TUSC3: variants seen among roughly 807,000 people sequenced by gnomAD.
The protein encoded by TUSC3 is dolichyl-diphosphooligosaccharide--protein glycosyltransferase subunit TUSC3.
In TUSC3, 45 loss-of-function variants were observed where a neutral mutation model predicts 44.8. That is an observed-to-expected ratio of 1.00 (90% CI 0.79 to 1.29). TUSC3 has a LOEUF of 1.29. Ranked by LOEUF, TUSC3 falls within the 50% of genes most tolerant of loss-of-function variation. The pLI is 0.00. For synonymous variants in TUSC3, 212 were observed against 152.9 expected (o/e 1.39, Z -2.85); for missense variants, 519 against 437.9 (o/e 1.19, Z -1.65).
chr8:15,470,379 C>A (rs1464101757), intron 1 of TUSC3, among the ~76,000 whole-genome samples: 1 of 151,990 alleles, frequency 6.6e-6, no homozygotes, highest in Non-Finnish European at 1.5e-5. Context: ...GGATGCCTTC[C>A]TTATACATTG....
chr8:15,468,763 A>T (rs1800447108), intron 1 of TUSC3, among the ~76,000 whole-genome samples: 1 of 152,202 alleles, frequency 6.6e-6, no homozygotes, highest in Non-Finnish European at 1.5e-5. Context: ...ATTAGAAGTG[A>T]TGCTTTCAGG....
chr8:15,813,508 A>G, the TUSC3 span, among the ~76,000 whole-genome samples: 1 of 151,232 alleles, frequency 6.6e-6, no homozygotes, highest in Admixed American at 6.6e-5. Flanking sequence ...AGTACGAGGT[A>G]ATCATAACCA....
intron 2 of TUSC3, among the ~76,000 whole-genome samples, chr8:15,509,178 A>T (rs1801099355): frequency 6.6e-6 from 1 of 152,258 alleles, no homozygotes; most frequent in African/African-American, 2.4e-5. Context: ...ATTGTTTTCC[A>T]ACAACAGAGT....
intron 1 of TUSC3, among the ~76,000 whole-genome samples, chr8:15,437,865 C>A (rs533459669): frequency 7.2e-5 from 11 of 152,212 alleles, no homozygotes; most frequent in African/African-American, 2.6e-4. Flanking sequence ...CACCTCTGCT[C>A]GTGTATAAAA....
At chr8:15,659,457 TTAA>T (rs765142323) in intron 3 of TUSC3, 47 bp from the exon 4 acceptor site, 1 of 1,593,438 alleles carries the variant, frequency 6.3e-7, no homozygotes, top group East Asian at 2.2e-5. Context: ...AAATATTGGA[TTAA>T]TGATAAGATG....
downstream of TUSC3, among the ~76,000 whole-genome samples, chr8:15,768,316 G>A (rs1812383028): frequency 6.6e-6 from 1 of 152,120 alleles, no homozygotes; most frequent in African/African-American, 2.4e-5. Flanking sequence ...AACAAGCCGT[G>A]ATAACAAAAC....
At chr8:15,438,408 G>C (rs1177817424) in intron 1 of TUSC3, among the ~76,000 whole-genome samples, 1 of 152,120 alleles carries the variant, frequency 6.6e-6, no homozygotes, top group African/African-American at 2.4e-5. Flanking sequence ...GGGTTGTTGT[G>C]TTATAGGAGA....
At chr8:15,522,532 C>G (rs1801311988) in intron 2 of TUSC3, among the ~76,000 whole-genome samples, 1 of 151,238 alleles carries the variant, frequency 6.6e-6, no homozygotes. Flanking sequence ...CATGCCCAGC[C>G]TATTCAGCCT....
chr8:15,436,270 G>A (rs1253877496), intron 1 of TUSC3, among the ~76,000 whole-genome samples: 4 of 152,150 alleles, frequency 2.6e-5, no homozygotes, highest in African/African-American at 9.7e-5. Flanking sequence ...GGTTTTGACG[G>A]TTATCAAAAG....
At chr8:15,841,362 C>T in the TUSC3 span, among the ~76,000 whole-genome samples, 2 of 151,780 alleles carry the variant, frequency 1.3e-5, no homozygotes, top group South Asian at 4.2e-4. Flanking sequence ...TAGCTAAGGT[C>T]AAGTCCTCCT....
At chr8:15,792,478 A>C in the TUSC3 span, among the ~76,000 whole-genome samples, 1 of 152,202 alleles carries the variant, frequency 6.6e-6, no homozygotes, top group Non-Finnish European at 1.5e-5. Flanking sequence ...GCCTAGAGTA[A>C]AAACACACAG....
chr8:15,662,080 T>C (rs1203741969), intron 4 of TUSC3, 76 bp from the exon 5 acceptor site: 5 of 1,537,810 alleles, frequency 3.3e-6, no homozygotes, highest in African/African-American at 1.4e-5. Flanking sequence ...CGTTGAAAAT[T>C]ATGAGGACTA....
In TUSC3 at chr8:15,765,070, T is replaced by C. The variant is rs1812289984; in HGVS notation, c.*914T>C. The C allele has an allele frequency of 6.6e-6, 1 of 152,054 alleles. No homozygotes were observed. Among genetic ancestry groups the C allele is most frequent in the African/African-American group, 2.4e-5 (1 of 41,450 alleles). The allele number at this position is 152,054 out of a possible 1,614,324, so 9.4% of individuals were successfully genotyped here. On this transcript the variant is annotated 3_prime_UTR_variant, in exon 11 of 11. Transcript: ENST00000503731. Reference sequence around the variant, plus strand: ...TAGTGAATGATTCAATGAAGCTTTCTTGAAAACAAACATAGGAGTGTAATG... The same window carrying C: ...TAGTGAATGATTCAATGAAGCTTTCCTGAAAACAAACATAGGAGTGTAATG...
chr8:15,526,010 T>G (rs954537469), intron 2 of TUSC3, among the ~76,000 whole-genome samples: 1 of 151,890 alleles, frequency 6.6e-6, no homozygotes, highest in Non-Finnish European at 1.5e-5. Flanking sequence ...TAGGGTGATA[T>G]AAATGTAATT....
chr8:15,707,536 C>A (rs773674725), intron 6 of TUSC3, among the ~76,000 whole-genome samples: 1 of 151,874 alleles, frequency 6.6e-6, no homozygotes, highest in African/African-American at 2.4e-5. Context: ...TTTCCCAGGC[C>A]TGTAGGGGAA....
intron 2 of TUSC3, among the ~76,000 whole-genome samples, chr8:15,506,908 T>G (rs1356904139): frequency 6.6e-6 from 1 of 152,220 alleles, no homozygotes; most frequent in Non-Finnish European, 1.5e-5. Context: ...CAGGCCTTGC[T>G]GCATTTCCTG....
At chr8:15,757,964 G>C (rs948803280) in intron 10 of TUSC3, 109 bp downstream of exon 10, 110 of 1,506,188 alleles carry the variant, frequency 7.3e-5, no homozygotes, top group Non-Finnish European at 8.9e-5. Context: ...TTTTACAAAT[G>C]TAAGATAACT....
At chr8:15,533,055 T>G (rs911120244) in intron 2 of TUSC3, among the ~76,000 whole-genome samples, 2 of 152,136 alleles carry the variant, frequency 1.3e-5, no homozygotes, top group Non-Finnish European at 2.9e-5. Context: ...CCTCCCAGAG[T>G]GCTGGGATTA....
At chr8:15,702,922 C>T (rs1809463787) in intron 6 of TUSC3, among the ~76,000 whole-genome samples, 1 of 152,048 alleles carries the variant, frequency 6.6e-6, no homozygotes, top group Non-Finnish European at 1.5e-5. Flanking sequence ...GAAAGATGAG[C>T]TGAAATTGTT....
Sources: gnomAD v4.1 joint callset for allele counts (sites outside exome capture counted in the v4.1 genomes callset) on GRCh38, gnomAD v4.1.1 for gene constraint, MANE v1.5 for transcripts, NCBI Gene and HGNC (gene_info 2026-07-23, HGNC 2026-07-21) for gene names.